Variants in MPDZ observed in about 807,000 individuals in gnomAD.
MPDZ encodes multiple PDZ domain crumbs cell polarity complex component, also known as multiple PDZ domain protein.
MPDZ carries 234 observed loss-of-function variants against 239.1 expected under a neutral mutation model. The ratio of observed to expected loss-of-function variants is 0.98; its 90% CI spans 0.88 to 1.09. MPDZ has a LOEUF of 1.09. MPDZ is among the 50% of genes least tolerant of loss of function. The pLI is 0.00. For synonymous variants in MPDZ, 1,048 were observed against 881.3 expected (o/e 1.19, Z -3.35); for missense variants, 3,175 against 2,510.0 (o/e 1.26, Z -5.66).
Position 13,160,850 on chromosome 9 carries a change from AT to A in MPDZ, c.3359+1840del, listed in dbSNP as rs1950384342. ...TAAAATTATATATATATATATATATATATATATATATATATATATAAAACAG... is the reference window on the plus strand; with the variant it reads ...TAAAATTATATATATATATATATATAATATATATATATATATATAAAACAG... On this transcript the variant is annotated intron_variant, in intron 23 of 46. Coordinates refer to ENST00000319217, the MANE Select transcript of MPDZ (RefSeq NM_001378778.1). 3.4e-5 allele frequency among the ~76,000 whole-genome samples: 4 copies of A among 119,136 alleles called. No individual in the cohort carries two copies. The South Asian group carries it at 1.1e-3, about 34-fold the overall frequency. 78.2% of individuals were successfully genotyped at this position (119,136 alleles called of 152,430 possible).
chr9:13,214,754 G>C (rs962000471), intron 10 of MPDZ, among the ~76,000 whole-genome samples: 8 of 152,126 alleles, frequency 5.3e-5, no homozygotes, highest in African/African-American at 1.9e-4. Context: ...AACATGTACA[G>C]TAATTCATTT....
chr9:13,114,818 T>C (rs1943117665), intron 40 of MPDZ, among the ~76,000 whole-genome samples: 1 of 152,196 alleles, frequency 6.6e-6, no homozygotes, highest in East Asian at 1.9e-4. Context: ...AAGAATCTAC[T>C]TCGCCCGGGA....
chr9:13,252,240 C>A (rs1012511251), intron 1 of MPDZ, among the ~76,000 whole-genome samples: 1 of 151,992 alleles, frequency 6.6e-6, no homozygotes, highest in African/African-American at 2.4e-5. Flanking sequence ...TATTAGCCAA[C>A]CCCCCTCAAA....
chr9:13,205,496 A>T (rs898175065), intron 11 of MPDZ, among the ~76,000 whole-genome samples: 6 of 152,200 alleles, frequency 3.9e-5, no homozygotes, highest in African/African-American at 1.4e-4. Flanking sequence ...TGTGGAATTA[A>T]AGTCGATTCC....
chr9:13,125,579 T>A (rs1944991031), intron 34 of MPDZ, among the ~76,000 whole-genome samples, 189 bp from the exon 35 acceptor site: 1 of 152,202 alleles, frequency 6.6e-6, no homozygotes, highest in Non-Finnish European at 1.5e-5. Context: ...CTTTTCCAAA[T>A]GCTTGATGTA....
intron 12 of MPDZ, among the ~76,000 whole-genome samples, chr9:13,200,668 T>C (rs1251387759): frequency 1.3e-5 from 2 of 152,046 alleles, no homozygotes; most frequent in African/African-American, 4.8e-5. Context: ...ATTTATTGAC[T>C]CATTCACTGT....
intron 19 of MPDZ, among the ~76,000 whole-genome samples, chr9:13,179,136 C>G: frequency 6.6e-6 from 1 of 152,050 alleles, no homozygotes; most frequent in Non-Finnish European, 1.5e-5. Context: ...GTGGAAATAT[C>G]ATATAAGCAA....
At chr9:13,244,926 T>C (rs1966249138) in intron 3 of MPDZ, among the ~76,000 whole-genome samples, 1 of 152,074 alleles carries the variant, frequency 6.6e-6, no homozygotes, top group Admixed American at 6.5e-5. Flanking sequence ...AACAGGAGAC[T>C]GATGGAGAGG....
chr9:13,244,632 G>GCC (rs1966178874), intron 3 of MPDZ, among the ~76,000 whole-genome samples: 1 of 152,116 alleles, frequency 6.6e-6, no homozygotes, highest in African/African-American at 2.4e-5. Context: ...TCCCTTCAGG[G>GCC]CATGGCTTTT....
intron 3 of MPDZ, among the ~76,000 whole-genome samples, chr9:13,231,865 A>C (rs1030571446): frequency 6.6e-6 from 1 of 152,208 alleles, no homozygotes; most frequent in Admixed American, 6.5e-5. Context: ...AACTCAATTC[A>C]AAGATACTTA....
At chr9:13,167,188 A>G (rs1434262137) in intron 22 of MPDZ, among the ~76,000 whole-genome samples, 2 of 152,104 alleles carry the variant, frequency 1.3e-5, no homozygotes, top group Non-Finnish European at 2.9e-5. Context: ...GGTAAAGAAA[A>G]CACTTGAAGT....
rs757037359 is a variant in MPDZ at position 13,217,181 on chromosome 9, C to T, written c.1200G>A (p.Leu400=). The T allele has an allele frequency of 1.3e-6, 2 of 1,563,358 alleles. No homozygotes were observed. The highest frequency in any genetic ancestry group is 2.4e-5 in the South Asian group (2 of 84,214). ...AGAATACTTAATGTTTAAAATTACC[C>T]AATTTTTTATCTCCAATGTAGCCAG... ...TIAGYIGDKK[L]EPSGIFVKSI... is the part of the protein sequence containing the mutation. The change falls in exon 9 of 47, where the codon TTG becomes TTA. Residue 400 remains leucine (L), a splice_region_variant and synonymous_variant. Coordinates refer to ENST00000319217, the MANE Select transcript of MPDZ (RefSeq NM_001378778.1).
At position 13,123,312 on chromosome 9, in the gene MPDZ, A is replaced by T; in HGVS notation, c.4808-14T>A. 1 of 1,582,772 alleles carries T rather than the reference A, an allele frequency of 6.3e-7. No individual in the cohort carries two copies. The highest frequency in any genetic ancestry group is 8.6e-7 in the Non-Finnish European group (1 of 1,164,126). On this transcript the variant is annotated splice_polypyrimidine_tract_variant and intron_variant, in intron 35 of 46. Coordinates refer to ENST00000319217, the MANE Select transcript of MPDZ (RefSeq NM_001378778.1). ...ATCTGCTTGTATCTAAAAATAAGTT[A>T]AAAATGAAATACAAATAAAAATTGG...
At chr9:13,191,346 C>A (rs570849059) in intron 15 of MPDZ, among the ~76,000 whole-genome samples, 3 of 152,248 alleles carry the variant, frequency 2.0e-5, no homozygotes, top group African/African-American at 7.2e-5. Context: ...ATCCTAACAT[C>A]ATCTCTCAAT....
At chr9:13,196,287 A>T in intron 12 of MPDZ, 57 bp from the exon 13 acceptor site, 1 of 1,202,094 alleles carries the variant, frequency 8.3e-7, no homozygotes. Context: ...CCACATCTTA[A>T]CATCCTGTAC....
intron 12 of MPDZ, among the ~76,000 whole-genome samples, chr9:13,198,737 C>CTCTCTGTGTGTGTGTGTGTGAGTGTG (rs755487892): frequency 1.4e-5 from 1 of 69,754 alleles, no homozygotes; most frequent in Admixed American, 1.5e-4. Context: ...ATCTCTCTCT[C>CTCTCTGTGTGTGTGTGTGTGAGTGTG]TGTGTGTGTG....
chr9:13,110,341 T>C (rs1586852869), intron 44 of MPDZ, among the ~76,000 whole-genome samples: 1 of 152,210 alleles, frequency 6.6e-6, no homozygotes, highest in Non-Finnish European at 1.5e-5. Context: ...TAAAGATCTT[T>C]AGAATATAAG....
At chr9:13,247,546 A>G in intron 3 of MPDZ, 89 bp downstream of exon 3, 3 of 1,410,818 alleles carry the variant, frequency 2.1e-6, no homozygotes, top group Non-Finnish European at 2.9e-6. Context: ...TCATTAACAC[A>G]TAGAAAAATC....
At chr9:13,251,327 A>G (rs1967951974) in intron 1 of MPDZ, among the ~76,000 whole-genome samples, 1 of 152,028 alleles carries the variant, frequency 6.6e-6, no homozygotes, top group Non-Finnish European at 1.5e-5. Flanking sequence ...TTCCCATTCA[A>G]AGAAATCTTC....
Sources: allele counts gnomAD v4.1 joint callset (sites outside exome capture counted in the v4.1 genomes callset), GRCh38; gene constraint gnomAD v4.1.1; transcripts MANE v1.5; gene names NCBI Gene and HGNC (gene_info 2026-07-23, HGNC 2026-07-21).